PRR16: variants seen among roughly 807,000 people sequenced by gnomAD.
The protein encoded by PRR16 is protein Largen.
A neutral mutation model predicts 18.2 loss-of-function variants in PRR16; 6 were observed. The observed-to-expected ratio is 0.33, with a 90% CI of 0.18 to 0.65. The LOEUF (loss-of-function observed/expected upper bound fraction) is 0.65, where lower values mean the gene tolerates loss of function less well. Among genes scored for constraint, PRR16 ranks in the 30% least tolerant of loss-of-function variants. PRR16 has a pLI of 0.74. For synonymous variants in PRR16, 151 were observed against 147.8 expected (o/e 1.02, Z -0.16); for missense variants, 412 against 376.6 (o/e 1.09, Z -0.78).
the PRR16 span, among the ~76,000 whole-genome samples, chr5:120,755,771 T>C: frequency 0.27 from 40,306 of 151,986 alleles, 5,701 homozygotes; most frequent in Non-Finnish European, 0.31. Context: ...TGGTGGTGAC[T>C]CTTGACTATG....
intron 1 of PRR16, among the ~76,000 whole-genome samples, chr5:120,476,120 A>T (rs1408050370): frequency 6.6e-6 from 1 of 152,174 alleles, no homozygotes; most frequent in Non-Finnish European, 1.5e-5. Flanking sequence ...CTCCTCTGCC[A>T]GTTCATTCTC....
intron 1 of PRR16, among the ~76,000 whole-genome samples, chr5:120,656,744 C>T (rs117871710): frequency 6.6e-6 from 1 of 152,024 alleles, no homozygotes; most frequent in East Asian, 1.9e-4. Flanking sequence ...GACTTAGTAT[C>T]ATACATAAGT....
chr5:120,564,624 T>C (rs567111761), intron 1 of PRR16, among the ~76,000 whole-genome samples: 26 of 151,852 alleles, frequency 1.7e-4, no homozygotes, highest in Admixed American at 9.8e-4. Context: ...ACAGCCACTA[T>C]TGGGGGGTGG....
rs937268195 is a variant in PRR16 at position 120,622,138 on chromosome 5, T to C, written c.160-63816T>C. Among the ~76,000 whole-genome samples, 8 of 152,110 alleles carry C rather than the reference T, an allele frequency of 5.3e-5. 1 individual carries two copies. Among genetic ancestry groups the C allele is most frequent in the Admixed American group, 2.6e-4 (4 of 15,232 alleles). On this transcript the variant is annotated intron_variant, in intron 1 of 1. Coordinates refer to ENST00000407149, the MANE Select transcript of PRR16 (RefSeq NM_001300783.2). The stretch of plus-strand genomic sequence containing the variant: ...TTATCACTTTATGAATTCTTGTTTG[T>C]GTGTTTCTTTTCTTCTTTGCTGACT...
the PRR16 span, among the ~76,000 whole-genome samples, chr5:120,742,296 A>G: frequency 8.3e-6 from 1 of 120,410 alleles, no homozygotes; most frequent in South Asian, 2.5e-4. Flanking sequence ...TTTTTTTTGC[A>G]TCTGTCTTTT....
At chr5:120,590,296 G>C (rs943302319) in intron 1 of PRR16, among the ~76,000 whole-genome samples, 2 of 151,914 alleles carry the variant, frequency 1.3e-5, no homozygotes, top group South Asian at 4.2e-4. Context: ...TGCCTGTCTT[G>C]TTGAACCCAT....
intron 1 of PRR16, among the ~76,000 whole-genome samples, chr5:120,497,384 ATTTTTTTTTTTTT>A (rs765496177): frequency 1.2e-5 from 1 of 84,178 alleles, no homozygotes; most frequent in Non-Finnish European, 2.2e-5. Flanking sequence ...TGATGAACTG[ATTTTTTTTTTTTT>A]TTTTTTTTTT....
chr5:120,714,429 C>T, the PRR16 span, among the ~76,000 whole-genome samples: 2 of 152,022 alleles, frequency 1.3e-5, no homozygotes, highest in Non-Finnish European at 2.9e-5. Flanking sequence ...CAAATCAAAA[C>T]CACAATGAGA....
intron 1 of PRR16, among the ~76,000 whole-genome samples, chr5:120,627,119 A>C (rs921364806): frequency 4.6e-5 from 7 of 152,116 alleles, no homozygotes; most frequent in African/African-American, 1.7e-4. Context: ...TTTTCGCTAA[A>C]TTGTACTTTG....
At chr5:120,763,564 T>G in the PRR16 span, among the ~76,000 whole-genome samples, 2 of 152,136 alleles carry the variant, frequency 1.3e-5, no homozygotes, top group African/African-American at 4.8e-5. Context: ...CCATATTAAT[T>G]TTAGAATTGT....
the PRR16 span, among the ~76,000 whole-genome samples, chr5:120,699,232 A>T: frequency 6.6e-6 from 1 of 152,230 alleles, no homozygotes; most frequent in East Asian, 1.9e-4. Flanking sequence ...ATAGATTTCC[A>T]CGATGGAAAG....
intron 1 of PRR16, among the ~76,000 whole-genome samples, chr5:120,659,866 A>T (rs1280338534): frequency 6.6e-6 from 1 of 152,030 alleles, no homozygotes; most frequent in Non-Finnish European, 1.5e-5. Flanking sequence ...GCTTAAAAAG[A>T]GTGACAGATG....
At chr5:120,692,518 T>C in the PRR16 span, among the ~76,000 whole-genome samples, 87 of 152,308 alleles carry the variant, frequency 5.7e-4, no homozygotes, top group African/African-American at 2.1e-3. Context: ...TTGACGCCCT[T>C]GCATGTGTCA....
At chr5:120,643,814 G>A (rs1355982196) in intron 1 of PRR16, among the ~76,000 whole-genome samples, 1 of 152,038 alleles carries the variant, frequency 6.6e-6, no homozygotes, top group Non-Finnish European at 1.5e-5. Context: ...AGACCAACGT[G>A]GCCAACATGG....
At chr5:120,751,941 T>C in the PRR16 span, among the ~76,000 whole-genome samples, 13 of 152,258 alleles carry the variant, frequency 8.5e-5, no homozygotes, top group East Asian at 1.3e-3. Flanking sequence ...GTAACTTCTT[T>C]ATTTAGATAG....
chr5:120,636,949 A>G (rs1391106529), intron 1 of PRR16, among the ~76,000 whole-genome samples: 2 of 152,206 alleles, frequency 1.3e-5, no homozygotes, highest in Admixed American at 6.6e-5. Flanking sequence ...GCAAGAAAAA[A>G]ATCCAATCAA....
At chr5:120,602,607 T>C (rs1450525026) in intron 1 of PRR16, among the ~76,000 whole-genome samples, 1 of 152,062 alleles carries the variant, frequency 6.6e-6, no homozygotes, top group Non-Finnish European at 1.5e-5. Flanking sequence ...TTATGCTGAA[T>C]AGGAGTGATG....
At chr5:120,617,218 T>A (rs1754541415) in intron 1 of PRR16, 2 of 967,108 alleles carry the variant, frequency 2.1e-6, no homozygotes, top group South Asian at 9.6e-5. Flanking sequence ...ACATGATGTT[T>A]GCAGGAATTT....
chr5:120,704,835 AC>A, the PRR16 span, among the ~76,000 whole-genome samples: 84 of 152,214 alleles, frequency 5.5e-4, no homozygotes, highest in Non-Finnish European at 1.0e-3. Context: ...TATAGTCAGT[AC>A]TTATGAAGCC....
Sources: gnomAD v4.1 joint callset for allele counts (sites outside exome capture counted in the v4.1 genomes callset) on GRCh38, gnomAD v4.1.1 for gene constraint, MANE v1.5 for transcripts, NCBI Gene and HGNC (gene_info 2026-07-23, HGNC 2026-07-21) for gene names.